The following FGF14 variants were observed in gnomAD, a reference collection of about 807,000 sequenced individuals.
FGF14 encodes fibroblast growth factor 14.
Under a neutral mutation model 25.5 loss-of-function variants are expected in FGF14, and 5 were observed. The ratio of observed to expected loss-of-function variants is 0.20; its 90% confidence interval spans 0.10 to 0.41. The LOEUF (loss-of-function observed/expected upper bound fraction) is 0.41. Among genes scored for constraint, FGF14 ranks in the 10% least tolerant of loss-of-function variants. FGF14 has a pLI of 1.00. For synonymous variants in FGF14, 138 were observed against 118.3 expected (o/e 1.17, Z -1.08); for missense variants, 222 against 320.1 (o/e 0.69, Z 2.34).
rs972700540 is a variant in FGF14 at position 101,744,482 on chromosome 13, A to G, written c.409-17672T>C. The stretch of plus-strand genomic sequence containing the variant: ...AGCAGAATGCATTATATTCAATTAG[A>G]GTGGGGACTTTGTCAGTCACCTTTG... On this transcript the variant is annotated intron_variant, in intron 3 of 4. Transcript: ENST00000376143. Among the ~76,000 whole-genome samples, 6 of 152,180 alleles carry G rather than the reference A, an allele frequency of 3.9e-5. No homozygotes were observed. The South Asian group carries it at 1.0e-3, about 26-fold the overall frequency.
chr13:102,173,495 T>C (rs755957795), intron 1 of FGF14, among the ~76,000 whole-genome samples: 5 of 152,178 alleles, frequency 3.3e-5, no homozygotes, highest in Admixed American at 2.0e-4. Context: ...CCAGAGGTAC[T>C]GAAATCAGTA....
At chr13:102,081,074 T>C (rs1227999524) in intron 1 of FGF14, among the ~76,000 whole-genome samples, 2 of 152,182 alleles carry the variant, frequency 1.3e-5, no homozygotes, top group African/African-American at 4.8e-5. Context: ...AAAGAGAAGG[T>C]TGAAATAGCA....
intron 1 of FGF14, among the ~76,000 whole-genome samples, chr13:101,888,900 A>C (rs2046127835): frequency 1.3e-5 from 2 of 152,236 alleles, no homozygotes; most frequent in Admixed American, 1.3e-4. Flanking sequence ...AGTCTTAACC[A>C]GAATGAACTA....
At chr13:102,385,992 T>A (rs1786674927) in intron 1 of FGF14, among the ~76,000 whole-genome samples, 1 of 152,152 alleles carries the variant, frequency 6.6e-6, no homozygotes, top group Non-Finnish European at 1.5e-5. Context: ...TACCCGAACG[T>A]CACTTTTACA....
chr13:102,277,423 G>C (rs1447075636), intron 1 of FGF14, among the ~76,000 whole-genome samples: 1 of 152,158 alleles, frequency 6.6e-6, no homozygotes, highest in Non-Finnish European at 1.5e-5. Flanking sequence ...TCCCAGGCAA[G>C]AGCAGCATGC....
chr13:102,104,274 T>TA (rs2044799338), intron 1 of FGF14, among the ~76,000 whole-genome samples: 1 of 152,220 alleles, frequency 6.6e-6, no homozygotes, highest in Non-Finnish European at 1.5e-5. Context: ...GGCACTGTGC[T>TA]AAGCACCTTG....
chr13:101,989,714 T>G (rs540569608), intron 1 of FGF14, among the ~76,000 whole-genome samples: 1 of 152,264 alleles, frequency 6.6e-6, no homozygotes, highest in East Asian at 1.9e-4. Context: ...TATGTTTTAG[T>G]CTTAAACTAC....
intron 3 of FGF14, among the ~76,000 whole-genome samples, chr13:101,821,578 G>A (rs544804949): frequency 1.3e-5 from 2 of 152,290 alleles, no homozygotes; most frequent in South Asian, 4.1e-4. Context: ...TGCTATGTTT[G>A]AATGTGTAAA....
chr13:102,239,785 A>T (rs1413857848), intron 1 of FGF14, among the ~76,000 whole-genome samples: 1 of 152,102 alleles, frequency 6.6e-6, no homozygotes, highest in African/African-American at 2.4e-5. Flanking sequence ...TGTCTTAATT[A>T]TTTCTGATTC....
At chr13:102,310,126 A>G (rs1296816645) in intron 1 of FGF14, among the ~76,000 whole-genome samples, 2 of 152,184 alleles carry the variant, frequency 1.3e-5, no homozygotes, top group African/African-American at 4.8e-5. Context: ...TTCTGGCATC[A>G]GTTTATCTTT....
At chr13:101,865,985 A>G (rs1333172753) in intron 3 of FGF14, among the ~76,000 whole-genome samples, 2 of 151,994 alleles carry the variant, frequency 1.3e-5, no homozygotes, top group South Asian at 4.1e-4. Flanking sequence ...TTTTTTCAAA[A>G]ATTTACTCAT....
At chr13:102,207,521 T>C (rs1715834574) in intron 1 of FGF14, among the ~76,000 whole-genome samples, 1 of 147,096 alleles carries the variant, frequency 6.8e-6, no homozygotes, top group African/African-American at 2.5e-5. Context: ...AGTCAAAGTA[T>C]CTGAAAAGCA....
chr13:102,241,137 G>A (rs573345441), intron 1 of FGF14, among the ~76,000 whole-genome samples: 5 of 152,164 alleles, frequency 3.3e-5, no homozygotes, highest in East Asian at 1.9e-4. Context: ...AACAGTGGAC[G>A]CTTTGATCAT....
intron 3 of FGF14, among the ~76,000 whole-genome samples, chr13:101,785,565 CTTTAAG>C (rs1265372720): frequency 1.3e-5 from 2 of 152,012 alleles, no homozygotes; most frequent in Non-Finnish European, 2.9e-5. Context: ...ACAAGTTAAA[CTTTAAG>C]TTTAAACTAA....
intron 1 of FGF14, among the ~76,000 whole-genome samples, chr13:102,140,865 C>T (rs1192701670): frequency 6.6e-6 from 1 of 152,052 alleles, no homozygotes; most frequent in African/African-American, 2.4e-5. Flanking sequence ...AAACTCAAAC[C>T]CAAATTAACC....
intron 1 of FGF14, among the ~76,000 whole-genome samples, chr13:102,399,844 C>A (rs1688959270): frequency 6.6e-6 from 1 of 152,112 alleles, no homozygotes; most frequent in Non-Finnish European, 1.5e-5. Flanking sequence ...GAGCCCAGAG[C>A]CCACTGCAGC....
intron 3 of FGF14, among the ~76,000 whole-genome samples, chr13:101,774,920 G>A (rs937397300): frequency 6.9e-6 from 1 of 145,320 alleles, no homozygotes; most frequent in Non-Finnish European, 1.5e-5. Flanking sequence ...AGTGAGCCGA[G>A]ATTGTGCCAT....
At chr13:101,925,497 C>T (rs1469519691) in intron 1 of FGF14, among the ~76,000 whole-genome samples, 1 of 151,972 alleles carries the variant, frequency 6.6e-6, no homozygotes, top group African/African-American at 2.4e-5. Context: ...TAGTTAAATA[C>T]CGGAAGCCTT....
chr13:102,238,923 A>G (rs2051453554), intron 1 of FGF14, among the ~76,000 whole-genome samples: 1 of 152,194 alleles, frequency 6.6e-6, no homozygotes, highest in Non-Finnish European at 1.5e-5. Flanking sequence ...GCTGAAAAGA[A>G]TAGCAGGACT....
Sources: allele counts gnomAD v4.1 joint callset (sites outside exome capture counted in the v4.1 genomes callset), GRCh38; gene constraint gnomAD v4.1.1; transcripts MANE v1.5; gene names NCBI Gene and HGNC (gene_info 2026-07-23, HGNC 2026-07-21).